TUBGCP4: variants seen among roughly 807,000 people sequenced by gnomAD.
TUBGCP4 encodes the protein tubulin gamma complex component 4, also known as gamma-tubulin complex component 4.
Under a neutral mutation model 91.6 loss-of-function variants are expected in TUBGCP4, and 54 were observed. The ratio of observed to expected loss-of-function variants is 0.59; its 90% CI spans 0.47 to 0.74. TUBGCP4 has a LOEUF of 0.74. TUBGCP4 is among the 30% of genes least tolerant of loss of function. TUBGCP4 has a pLI of 0.00. For missense variants in TUBGCP4, 593 were observed against 800.9 expected (o/e 0.74, Z 3.13); for synonymous variants, 297 against 302.8 (o/e 0.98, Z 0.20).
intron 7 of TUBGCP4, among the ~76,000 whole-genome samples, chr15:43,384,179 CCATT>C (rs2044324310): frequency 6.6e-6 from 1 of 152,164 alleles, no homozygotes; most frequent in Non-Finnish European, 1.5e-5. Flanking sequence ...ATCCATCCAT[CCATT>C]CATTCATTTA....
At chr15:43,383,557 T>G in intron 7 of TUBGCP4, 53 bp downstream of exon 7, 3 of 1,477,996 alleles carry the variant, frequency 2.0e-6, no homozygotes, top group Non-Finnish European at 2.7e-6. Flanking sequence ...CAGAAAAGCA[T>G]GCACACAAAT....
rs1167517892 is a variant in TUBGCP4, at chr15:43,407,813, G to A, written c.*2599G>A. ...TATGTTGACTCACCTCTTGAAGGTG[G>A]TACTTTTCTTCTCTAAGAAACATGG... On this transcript the variant is annotated 3_prime_UTR_variant, in exon 18 of 18. Transcript: ENST00000564079. 8.2e-6 allele frequency: 8 copies of A among 977,112 alleles called. No individual in the cohort carries two copies. Among genetic ancestry groups the A allele is most frequent in the Non-Finnish European group, 1.1e-5 (7 of 659,280 alleles). 60.5% of individuals were successfully genotyped at this position (977,112 alleles called of 1,614,324 possible).
At chr15:43,392,190 GT>G (rs1208820760) in intron 9 of TUBGCP4, among the ~76,000 whole-genome samples, 38 of 133,316 alleles carry the variant, frequency 2.9e-4, no homozygotes, top group Middle Eastern at 7.4e-3. Context: ...CTTCCTTCGT[GT>G]TTTTTTTTTT....
chr15:43,386,080 A>T, intron 8 of TUBGCP4, 124 bp downstream of exon 8: 1 of 1,522,510 alleles, frequency 6.6e-7, no homozygotes, highest in Admixed American at 2.0e-5. Flanking sequence ...AGATTGTAGC[A>T]GAATCATGAC....
intron 13 of TUBGCP4, among the ~76,000 whole-genome samples, chr15:43,399,520 A>G (rs2044632767): frequency 6.6e-6 from 1 of 152,006 alleles, no homozygotes; most frequent in Non-Finnish European, 1.5e-5. Context: ...AATTTTTTTA[A>G]TTTTTAGTAG....
At chr15:43,401,996 G>C (rs1024239131) in intron 15 of TUBGCP4, 146 bp downstream of exon 15, 1 of 1,060,572 alleles carries the variant, frequency 9.4e-7, no homozygotes, top group African/African-American at 1.6e-5. Context: ...AAAGCGGCGG[G>C]GCATGGTGGC....
chr15:43,405,239 TAAC>T lies in TUBGCP4; in HGVS notation c.*27_*29del. 1 of 1,613,748 alleles carries T rather than the reference TAAC, an allele frequency of 6.2e-7. No individual in the cohort carries two copies. The highest frequency in any genetic ancestry group is 8.5e-7 in the Non-Finnish European group (1 of 1,179,658). ...AAAATTTCTGGCTCATAAATTGAAA[TAAC>T]AGCCACGTTCCCAAGGTTGTAACAG... On this transcript the variant is annotated 3_prime_UTR_variant, in exon 18 of 18. Transcript: ENST00000564079.
intron 6 of TUBGCP4, 114 bp from the exon 7 acceptor site, chr15:43,383,188 TA>T: frequency 1.2e-6 from 1 of 804,506 alleles, no homozygotes; most frequent in Non-Finnish European, 1.8e-6. Flanking sequence ...ATAGCACAAT[TA>T]TTTTTAACTT....
rs767052008 is a variant in TUBGCP4, at chr15:43,405,211, G to A, written c.1998G>A (p.Met666Ile). 7 of 1,614,012 alleles carry A rather than the reference G, an allele frequency of 4.3e-6. No homozygotes were observed. In the African/African-American group the frequency reaches 6.7e-5, roughly 15 times the overall value. The stretch of plus-strand genomic sequence containing the variant: ...TTTTTCTCTTTTGTAGTTTCGGGAT[G>A]TGAAAATTTCTGGCTCATAAATTGA... ...QAGGTLGSFG[M>I] Residue 666 changes from methionine to isoleucine, a missense_variant, in exon 18 of 18, where the codon ATG (methionine) becomes ATA (isoleucine). Coordinates refer to ENST00000564079, the MANE Select transcript of TUBGCP4 (RefSeq NM_014444.5).
chr15:43,400,035 C>T lies in TUBGCP4; in HGVS notation c.1419-9C>T. On this transcript the variant is annotated splice_polypyrimidine_tract_variant and intron_variant, in intron 13 of 17. Transcript: ENST00000564079. ...TTTTGTCTTGAATATCCTGTTATTT[C>T]TGTCCTAGGTACAATGTTGTTTTTA... 3 of 1,595,520 alleles carry T rather than the reference C, an allele frequency of 1.9e-6. No homozygotes were observed. Among genetic ancestry groups the T allele is most frequent in the Non-Finnish European group, 2.6e-6 (3 of 1,165,622 alleles).
At position 43,386,344 on chromosome 15, in the gene TUBGCP4, C is replaced by CATATATATATATATATATAT. The variant is rs1566894338; in HGVS notation, c.1014+14_1014+15insATATATATATATATATATAT. Reference sequence around the variant, plus strand: ...ACTGTGGCTGAGGTTTGTGTTTCATCGTATATATATATATATATATATATA... The same window carrying CATATATATATATATATATAT: ...ACTGTGGCTGAGGTTTGTGTTTCATCATATATATATATATATATATGTATATATATATATATATATATATA... On this transcript the variant is annotated intron_variant, in intron 9 of 17. Transcript: ENST00000564079. The CATATATATATATATATATAT allele has an allele frequency of 2.5e-4, 62 of 245,620 alleles. 9 individuals carry two copies. Among genetic ancestry groups the CATATATATATATATATATAT allele is most frequent in the Non-Finnish European group, 2.9e-4 (44 of 152,328 alleles). The allele number at this position is 245,620 out of a possible 1,614,324, so 15.2% of individuals were successfully genotyped here. A position where few individuals can be genotyped will look rare whatever the true frequency, so the allele number is the denominator to read the frequency against.
Position 43,371,345 on chromosome 15 carries a change from C to T in TUBGCP4, c.-10C>T, listed in dbSNP as rs749755427. The T allele has an allele frequency of 2.5e-6, 4 of 1,613,390 alleles. No homozygotes were observed. The South Asian group carries it at 4.4e-5, about 18-fold the overall frequency. On this transcript the variant is annotated 5_prime_UTR_variant, in exon 1 of 18. Coordinates refer to ENST00000564079, the MANE Select transcript of TUBGCP4 (RefSeq NM_014444.5). ...GTGACATAACCAGGGACTCGAGGTC[C>T]GCCGTGGGAATGATCCACGAACTGC... is the stretch of plus-strand genomic sequence containing the variant.
chr15:43,379,689 T>G (rs1490858509), intron 5 of TUBGCP4, among the ~76,000 whole-genome samples: 2 of 151,844 alleles, frequency 1.3e-5, no homozygotes, highest in Non-Finnish European at 2.9e-5. Flanking sequence ...GGCAGAGGAT[T>G]TTTGAAAAAG....
intron 6 of TUBGCP4, among the ~76,000 whole-genome samples, chr15:43,381,967 T>A (rs1205360862): frequency 6.6e-6 from 1 of 152,142 alleles, no homozygotes; most frequent in African/African-American, 2.4e-5. Flanking sequence ...CACACACCTG[T>A]ATTCCTAGCA....
chr15:43,400,657 T>C (rs1485914461), intron 14 of TUBGCP4, among the ~76,000 whole-genome samples: 1 of 152,158 alleles, frequency 6.6e-6, no homozygotes, highest in Non-Finnish European at 1.5e-5. Context: ...GGGTCACGTC[T>C]GTAATCTCAG....
At chr15:43,383,594 C>T in intron 7 of TUBGCP4, 90 bp downstream of exon 7, 1 of 1,107,100 alleles carries the variant, frequency 9.0e-7, no homozygotes, top group Non-Finnish European at 1.3e-6. Flanking sequence ...CTTCTTAGCT[C>T]ATAGCTGAGC....
chr15:43,384,387 T>C (rs1229578438), intron 7 of TUBGCP4, among the ~76,000 whole-genome samples: 1 of 152,122 alleles, frequency 6.6e-6, no homozygotes, highest in Non-Finnish European at 1.5e-5. Context: ...AACATGGTCA[T>C]GGGATAGGGT....
chr15:43,402,709 T>C (rs2044712825), intron 15 of TUBGCP4: 2 of 152,184 alleles, frequency 1.3e-5, no homozygotes, highest in South Asian at 2.1e-4. Flanking sequence ...ATCCCTGTAA[T>C]AGTGGGACCC....
At position 43,381,234 on chromosome 15, in the gene TUBGCP4, A is replaced by G. The variant is rs142144146; in HGVS notation, c.521+1071A>G. ...AAATCTAATGTAGATGATACTATAT[A>G]TACATGTTTGTTCTGTGTTTGCAGG... On this transcript the variant is annotated intron_variant, in intron 6 of 17. Coordinates refer to ENST00000564079, the MANE Select transcript of TUBGCP4 (RefSeq NM_014444.5). Among the ~76,000 whole-genome samples, 148 of 152,358 alleles carry G rather than the reference A, an allele frequency of 9.7e-4. No homozygotes were observed. The Middle Eastern group carries it at 0.014, about 14-fold the overall frequency.
Sources: allele counts gnomAD v4.1 joint callset (sites outside exome capture counted in the v4.1 genomes callset), GRCh38; gene constraint gnomAD v4.1.1; transcripts MANE v1.5; gene names NCBI Gene and HGNC (gene_info 2026-07-23, HGNC 2026-07-21).